The following ANGPT4 variants were observed in gnomAD, a reference collection of about 807,000 sequenced individuals.
ANGPT4 encodes the protein angiopoietin-4.
ANGPT4 carries 50 observed loss-of-function variants against 53.0 expected under a neutral mutation model. That is an observed-to-expected ratio of 0.94 (90% CI 0.75 to 1.20). The LOEUF is 1.20. Among genes scored for constraint, ANGPT4 ranks in the 50% most tolerant of loss-of-function variants. The pLI is 0.00. For synonymous variants in ANGPT4, 251 were observed against 259.7 expected, an observed-to-expected ratio of 0.97 and a Z score of 0.32; for missense variants, 648 against 637.1, an observed-to-expected ratio of 1.02 and a Z score of -0.18.
At chr20:889,147 C>A (rs1981735537) in intron 2 of ANGPT4, among the ~76,000 whole-genome samples, 1 of 152,176 alleles carries the variant, frequency 6.6e-6, no homozygotes, top group African/African-American at 2.4e-5. Context: ...CCTTCCTGGC[C>A]TTGCTGTATG....
chr20:884,855 G>T (rs955235586), intron 4 of ANGPT4, among the ~76,000 whole-genome samples: 2 of 152,222 alleles, frequency 1.3e-5, no homozygotes, highest in African/African-American at 4.8e-5. Flanking sequence ...GAGGGGCAGG[G>T]GCATGCCCAA....
chr20:881,616 C>G (rs1981410571), intron 4 of ANGPT4, among the ~76,000 whole-genome samples: 1 of 152,166 alleles, frequency 6.6e-6, no homozygotes, highest in Non-Finnish European at 1.5e-5. Flanking sequence ...GAGGAAATGA[C>G]TCACACCGTG....
At chr20:873,242 C>T in intron 8 of ANGPT4, 122 bp from the exon 9 acceptor site, 1 of 612,516 alleles carries the variant, frequency 1.6e-6, no homozygotes, top group Admixed American at 3.5e-5. Context: ...TCTGGGAAGC[C>T]AGCTGGCTGG....
Position 915,974 on chromosome 20 carries a change from T to C in ANGPT4, c.241A>G (p.Lys81Glu). ...TGTTTCACCTGCTGGGTGGGCAACT[T>C]CCCCAGGTGCAGTGGGTTGGCCAGT... ...ESLANPLHLG[K>E]LPTQQVKQLE... Residue 81 changes from lysine (K) to glutamate (E), a missense_variant, in exon 1 of 9, where the codon AAG (lysine) becomes GAG (glutamate). Lys to Glu is a moderately conservative substitution (Grantham distance 56). Transcript: ENST00000381922. The C allele has an allele frequency of 6.2e-7, 1 of 1,610,316 alleles. No homozygotes were observed. Among genetic ancestry groups the C allele is most frequent in the South Asian group, 1.1e-5 (1 of 90,950 alleles).
Position 909,092 on chromosome 20 carries a change from A to AC in ANGPT4, c.309+6813dup, listed in dbSNP as rs1266703245. 4.0e-5 allele frequency among the ~76,000 whole-genome samples: 6 copies of AC among 151,618 alleles called. No individual in the cohort carries two copies. In the East Asian group the frequency reaches 1.2e-3, roughly 29 times the overall value. On this transcript the variant is annotated intron_variant, in intron 1 of 8. Coordinates refer to ENST00000381922, the MANE Select transcript of ANGPT4 (RefSeq NM_015985.4). Reference sequence around the variant, plus strand: ...AGCCAGTCTGCCCGGGTACGAACTCACCTCCCTCACTTCTTAGCTGTGTAA... The same window carrying AC: ...AGCCAGTCTGCCCGGGTACGAACTCACCCTCCCTCACTTCTTAGCTGTGTAA...
chr20:890,900 G>A (rs529580424), intron 1 of ANGPT4, among the ~76,000 whole-genome samples: 10 of 152,196 alleles, frequency 6.6e-5, no homozygotes, highest in Admixed American at 3.9e-4. Flanking sequence ...ACCCTGATCC[G>A]CATCTGCGTG....
rs563786555 is a variant in ANGPT4 at position 914,018 on chromosome 20, C to A, written c.309+1888G>T. Among the ~76,000 whole-genome samples the A allele has an allele frequency of 8.5e-5, 13 of 152,284 alleles. No individual in the cohort carries two copies. Among genetic ancestry groups the A allele is most frequent in the African/African-American group, 3.1e-4 (13 of 41,554 alleles). ...ATGGGTTTTGGGCTCAGGATCCCAT[C>A]AATGCCAATTTTGTGTCATCACGGA... On this transcript the variant is annotated intron_variant, in intron 1 of 8. Transcript: ENST00000381922. The surrounding 1 kb of genome is among the most constrained non-coding windows in gnomAD (Gnocchi z 5.0).
At chr20:875,013 C>A (rs1981106104) in intron 7 of ANGPT4, among the ~76,000 whole-genome samples, 1 of 150,998 alleles carries the variant, frequency 6.6e-6, no homozygotes, top group Admixed American at 6.7e-5. Context: ...AGCCACCGTG[C>A]CCGGCAACGT....
intron 3 of ANGPT4, among the ~76,000 whole-genome samples, 173 bp from the exon 4 acceptor site, chr20:885,498 C>A (rs903587473): frequency 6.6e-6 from 1 of 152,106 alleles, no homozygotes; most frequent in African/African-American, 2.4e-5. Flanking sequence ...AGATACCCGG[C>A]CCTGGAGTAA....
intron 2 of ANGPT4, among the ~76,000 whole-genome samples, chr20:889,177 C>T (rs879623672): frequency 2.6e-5 from 4 of 151,974 alleles, no homozygotes; most frequent in Non-Finnish European, 4.4e-5. Flanking sequence ...CTCTCATCCC[C>T]CCCCACCACT....
At chr20:887,887 G>GAGGAAGGAAGGAAGGAAGGA (rs59115029) in intron 3 of ANGPT4, among the ~76,000 whole-genome samples, 7 of 150,676 alleles carry the variant, frequency 4.6e-5, no homozygotes, top group African/African-American at 1.5e-4. Flanking sequence ...ATAAAAGAAG[G>GAGGAAGGAAGGAAGGAAGGA]AGGAAGGAAG....
chr20:898,602 C>T (rs574582656), intron 1 of ANGPT4, among the ~76,000 whole-genome samples: 10 of 152,266 alleles, frequency 6.6e-5, no homozygotes, highest in South Asian at 4.1e-4. Context: ...AATGAGATTC[C>T]GGCCCTCAAA....
chr20:875,291 C>T (rs550856670), intron 7 of ANGPT4, among the ~76,000 whole-genome samples: 3 of 152,304 alleles, frequency 2.0e-5, no homozygotes, highest in East Asian at 1.9e-4. Context: ...CCAGCCCCAT[C>T]GCACCTCCTC....
intron 3 of ANGPT4, among the ~76,000 whole-genome samples, chr20:887,887 G>GAAGAAGGAAGGA (rs1981674963): frequency 6.6e-6 from 1 of 150,676 alleles, no homozygotes; most frequent in African/African-American, 2.5e-5. Flanking sequence ...ATAAAAGAAG[G>GAAGAAGGAAGGA]AGGAAGGAAG....
intron 3 of ANGPT4, among the ~76,000 whole-genome samples, chr20:886,861 T>C (rs1302385611): frequency 6.6e-6 from 1 of 152,234 alleles, no homozygotes; most frequent in African/African-American, 2.4e-5. Flanking sequence ...CAATCTTCTG[T>C]ATGTATGTGT....
At position 870,414 on chromosome 20, in the gene ANGPT4, A is replaced by AG. The variant is rs111345580; in HGVS notation, c.*2545_*2546insC. The AG allele has an allele frequency of 0.13, 19,288 of 152,096 alleles. 1,641 individuals carry two copies. The highest frequency in any genetic ancestry group is 0.24 in the African/African-American group (10,148 of 41,440). 9.4% of individuals were successfully genotyped at this position (152,096 alleles called of 1,614,324 possible). A position where few individuals can be genotyped will look rare whatever the true frequency, so the allele number is the denominator to read the frequency against. ...CGTGGTGGTAGGCGTCTGTAATCCCATTACTCAGGAGGCTGAGGTAGGAGA... is the reference window on the plus strand; with the variant it reads ...CGTGGTGGTAGGCGTCTGTAATCCCAGTTACTCAGGAGGCTGAGGTAGGAGA... On this transcript the variant is annotated 3_prime_UTR_variant, in exon 9 of 9. Coordinates refer to ENST00000381922, the MANE Select transcript of ANGPT4 (RefSeq NM_015985.4).
At chr20:890,396 G>A (rs375449785) in intron 1 of ANGPT4, 28 bp from the exon 2 acceptor site, 315 of 1,592,084 alleles carry the variant, frequency 2.0e-4, no homozygotes, top group Non-Finnish European at 2.6e-4. Context: ...CTGGGGTCAC[G>A]GGGGAGGGGC....
At chr20:909,809 A>G (rs1284332825) in intron 1 of ANGPT4, among the ~76,000 whole-genome samples, 2 of 152,234 alleles carry the variant, frequency 1.3e-5, no homozygotes, top group African/African-American at 4.8e-5. Context: ...ATTTGCCCCC[A>G]GGCCCTGGGC....
intron 1 of ANGPT4, among the ~76,000 whole-genome samples, chr20:904,047 C>T (rs1196528463): frequency 6.6e-6 from 1 of 152,200 alleles, no homozygotes; most frequent in Non-Finnish European, 1.5e-5. Context: ...AGGGTCAGAT[C>T]TTACCTAGCT....
Sources: gnomAD v4.1 joint callset for allele counts (sites outside exome capture counted in the v4.1 genomes callset) on GRCh38, gnomAD v4.1.1 for gene constraint, Gnocchi (gnomAD v3.1) non-coding constraint, MANE v1.5 for transcripts, NCBI Gene and HGNC (gene_info 2026-07-23, HGNC 2026-07-21) for gene names.